The following HERC6 variants were observed in gnomAD, a reference collection of about 807,000 sequenced individuals.
The protein encoded by HERC6 is HECT and RLD domain containing E3 ubiquitin protein ligase family member 6.
HERC6 carries 101 observed loss-of-function variants against 114.5 expected under a neutral mutation model. That is an observed-to-expected ratio of 0.88 (90% CI 0.75 to 1.04). The LOEUF (loss-of-function observed/expected upper bound fraction) is 1.04, where lower values mean the gene tolerates loss of function less well. HERC6 is among the 50% of genes least tolerant of loss of function. The pLI, the probability that HERC6 is intolerant of heterozygous loss-of-function variation, is 0.00. For synonymous variants in HERC6, 408 were observed against 436.2 expected (o/e 0.94, Z 0.81); for missense variants, 1,133 against 1,230.9 (o/e 0.92, Z 1.19).
Position 88,423,889 on chromosome 4 carries a change from A to T in HERC6, c.1743A>T (p.Glu581Asp). The T allele has an allele frequency of 6.4e-7, 1 of 1,564,054 alleles. No individual in the cohort carries two copies. Among genetic ancestry groups the T allele is most frequent in the Admixed American group, 2.0e-5 (1 of 49,712 alleles). The change falls in exon 14 of 23, where the codon GAA becomes GAT. Residue 581 changes from glutamate to aspartate, a missense_variant. By Grantham distance (45) the Glu-to-Asp change is conservative. Coordinates refer to ENST00000264346, the MANE Select transcript of HERC6 (RefSeq NM_017912.4). ...KVNKANCRLP[E>D]NTFNINELSN... ...ACAAAGCTAACTGTCGACTACCAGA[A>T]AATACTTTCAACATAAATGAACTCT...
intron 2 of HERC6, among the ~76,000 whole-genome samples, chr4:88,383,904 G>T (rs568822159): frequency 5.9e-5 from 9 of 151,456 alleles, no homozygotes; most frequent in Non-Finnish European, 1.2e-4. Flanking sequence ...AGTGAAATGA[G>T]ATGTGACCCT....
chr4:88,432,257 G>T (rs1187792061), intron 17 of HERC6, among the ~76,000 whole-genome samples: 1 of 151,970 alleles, frequency 6.6e-6, no homozygotes, highest in Non-Finnish European at 1.5e-5. Flanking sequence ...TTAGACTTCG[G>T]TCCTATCCCC....
In HERC6 at chr4:88,393,491, A is replaced by G; in HGVS notation, c.668A>G (p.Gln223Arg). The G allele has an allele frequency of 3.7e-6, 6 of 1,606,902 alleles. No homozygotes were observed. Among genetic ancestry groups the G allele is most frequent in the Non-Finnish European group, 5.1e-6 (6 of 1,174,984 alleles). Reference protein sequence around the residue: ...LALSGRNVPVQSNKPLSVGAL... With the variant: ...LALSGRNVPVRSNKPLSVGAL... ...AGATTCTGCTTTCTTTCAACAGTGCAAAGCAACAAGCCTCTCTCAGTCGGT... is the reference window on the plus strand; with the variant it reads ...AGATTCTGCTTTCTTTCAACAGTGCGAAGCAACAAGCCTCTCTCAGTCGGT... Residue 223 changes from glutamine to arginine, a missense_variant, in exon 5 of 23, where the codon CAA becomes CGA. By Grantham distance (43) the Gln-to-Arg change is conservative. Transcript: ENST00000264346.
Position 88,397,072 on chromosome 4 carries a change from A to G in HERC6, c.1024+85A>G, listed in dbSNP as rs1388968603. The G allele has an allele frequency of 1.2e-5, 15 of 1,246,520 alleles. No individual in the cohort carries two copies. In the East Asian group the frequency reaches 3.3e-4, roughly 27 times the overall value. The allele number at this position is 1,246,520 out of a possible 1,614,324, so 77.2% of individuals were successfully genotyped here. On this transcript the variant is annotated intron_variant, in intron 7 of 22. Transcript: ENST00000264346. ...ATTCAGCTTCCTTTCAAAGGATCCT[A>G]CAGAACTGTAGTTCCCCTAGTACTT...
In HERC6 at chr4:88,434,780, A is replaced by AAC. The variant is rs1230541810; in HGVS notation, c.2251-945_2251-944insAC. On this transcript the variant is annotated intron_variant, in intron 17 of 22. Transcript: ENST00000264346. Reference sequence around the variant, plus strand: ...AAAACAGAGACAAAAAAAAAAAAAAACCAAAACAAAACACCCTGATTTGTG... The same window carrying AAC: ...AAAACAGAGACAAAAAAAAAAAAAAAACCCAAAACAAAACACCCTGATTTGTG... Among the ~76,000 whole-genome samples, 17 of 151,046 alleles carry AAC rather than the reference A, an allele frequency of 1.1e-4. No individual in the cohort carries two copies. The East Asian group carries it at 2.5e-3, about 22-fold the overall frequency.
chr4:88,430,433 G>T (rs1019003127), intron 16 of HERC6, among the ~76,000 whole-genome samples: 1 of 151,954 alleles, frequency 6.6e-6, no homozygotes, highest in African/African-American at 2.4e-5. Flanking sequence ...AGCTGGGTGC[G>T]GTGGTGGGTG....
chr4:88,434,442 G>A (rs1050226311), intron 17 of HERC6, among the ~76,000 whole-genome samples: 2 of 152,234 alleles, frequency 1.3e-5, no homozygotes, highest in Admixed American at 6.5e-5. Flanking sequence ...GGGGACTGAA[G>A]TGATTGCATT....
At chr4:88,385,701 A>G (rs1734538091) in intron 3 of HERC6, 126 bp downstream of exon 3, 4 of 581,806 alleles carry the variant, frequency 6.9e-6, no homozygotes, top group Non-Finnish European at 1.2e-5. Flanking sequence ...TTCATAAGAT[A>G]TATTGTTTTC....
chr4:88,381,992 A>C (rs1734351199), intron 1 of HERC6, among the ~76,000 whole-genome samples: 2 of 152,118 alleles, frequency 1.3e-5, no homozygotes, highest in Admixed American at 1.3e-4. Context: ...AAATTCTTAA[A>C]GTAGCATGTT....
rs79218028 is a variant in HERC6 at position 88,383,924 on chromosome 4, A to C, written c.359+544A>C. The stretch of plus-strand genomic sequence containing the variant: ...AATGAGATGTGACCCTTTGATCTTA[A>C]TCTTATCTCTTGGAATATAACTGTG... On this transcript the variant is annotated intron_variant, in intron 2 of 22. Coordinates refer to ENST00000264346, the MANE Select transcript of HERC6 (RefSeq NM_017912.4). Among the ~76,000 whole-genome samples, 882 of 152,192 alleles carry C rather than the reference A, an allele frequency of 5.8e-3. 10 individuals are homozygous for C. Among genetic ancestry groups the C allele is most frequent in the African/African-American group, 0.02 (840 of 41,532 alleles).
chr4:88,402,189 C>G (rs1735580680), intron 8 of HERC6, among the ~76,000 whole-genome samples: 1 of 151,368 alleles, frequency 6.6e-6, no homozygotes, highest in Admixed American at 6.6e-5. Context: ...GTATGATGGT[C>G]AGAGAAGAGA....
At chr4:88,436,847 A>C (rs1231544257) in intron 18 of HERC6, 58 bp from the exon 19 acceptor site, 2 of 1,183,082 alleles carry the variant, frequency 1.7e-6, no homozygotes, top group Non-Finnish European at 2.4e-6. Flanking sequence ...ATTGAAAATT[A>C]CTTGTGAAAC....
At chr4:88,403,508 A>T (rs1735651643) in intron 8 of HERC6, among the ~76,000 whole-genome samples, 1 of 152,196 alleles carries the variant, frequency 6.6e-6, no homozygotes, top group South Asian at 2.1e-4. Context: ...TAATCCCAGG[A>T]CTTTGGGAGG....
At position 88,413,132 on chromosome 4, in the gene HERC6, A is replaced by G. The variant is rs747047872; in HGVS notation, c.1424A>G (p.His475Arg). 1 of 1,613,464 alleles carries G rather than the reference A, an allele frequency of 6.2e-7. No homozygotes were observed. Among genetic ancestry groups the G allele is most frequent in the Non-Finnish European group, 8.5e-7 (1 of 1,179,622 alleles). ...LLRALPCHSP[H>R]QEALSVFLLL... is the part of the protein sequence containing the mutation. ...AGAGCTCTTCCATGCCATTCTCCAC[A>G]CCAAGAAGCTTTATCAGTTTTCCTC... is the stretch of plus-strand genomic sequence containing the variant. The change falls in exon 12 of 23, where the codon CAC becomes CGC. Residue 475 changes from histidine (H) to arginine (R), a missense_variant. His to Arg is a conservative substitution (Grantham distance 29, BLOSUM62 0). Transcript: ENST00000264346.
intron 16 of HERC6, among the ~76,000 whole-genome samples, chr4:88,430,110 A>G (rs1738036405): frequency 6.6e-6 from 1 of 152,186 alleles, no homozygotes; most frequent in African/African-American, 2.4e-5. Context: ...GCAGTAGATA[A>G]GATTACCCAG....
At chr4:88,436,623 G>A (rs1207624321) in intron 18 of HERC6, among the ~76,000 whole-genome samples, 1 of 152,150 alleles carries the variant, frequency 6.6e-6, no homozygotes, top group Non-Finnish European at 1.5e-5. Context: ...TGACCCCTAG[G>A]GGACAAAGTC....
At chr4:88,400,763 T>C (rs957921764) in intron 8 of HERC6, among the ~76,000 whole-genome samples, 1 of 152,238 alleles carries the variant, frequency 6.6e-6, no homozygotes, top group South Asian at 2.1e-4. Flanking sequence ...TAAATTGTTA[T>C]AATTGTTTCA....
At chr4:88,427,016 T>C (rs1235973325) in intron 15 of HERC6, among the ~76,000 whole-genome samples, 2 of 152,222 alleles carry the variant, frequency 1.3e-5, no homozygotes, top group African/African-American at 4.8e-5. Context: ...TCTATTCTGC[T>C]AGTGAGTAGT....
At position 88,383,131 on chromosome 4, in the gene HERC6, T is replaced by G. The variant is rs1734401800; in HGVS notation, c.200-90T>G. On this transcript the variant is annotated intron_variant, in intron 1 of 22. Coordinates refer to ENST00000264346, the MANE Select transcript of HERC6 (RefSeq NM_017912.4). ...AGGAGACAAGAAATCTGGATGATCC[T>G]TCTTTTTGAAGAAAAGTGCTGTCTT... 4 of 1,495,666 alleles carry G rather than the reference T, an allele frequency of 2.7e-6. No individual in the cohort carries two copies. The East Asian group carries it at 9.8e-5, about 37-fold the overall frequency. The allele number at this position is 1,495,666 out of a possible 1,614,324, so 92.6% of individuals were successfully genotyped here.
Sources: allele counts gnomAD v4.1 joint callset (sites outside exome capture counted in the v4.1 genomes callset), GRCh38; gene constraint gnomAD v4.1.1; transcripts MANE v1.5; gene names NCBI Gene and HGNC (gene_info 2026-07-23, HGNC 2026-07-21).